The following ARF3 variants were observed in gnomAD, a reference collection of about 807,000 sequenced individuals.
The protein encoded by ARF3 is ARF GTPase 3.
A neutral mutation model predicts 19.3 loss-of-function variants in ARF3; 5 were observed. The observed-to-expected ratio is 0.26, with a 90% CI of 0.14 to 0.54. The LOEUF (loss-of-function observed/expected upper bound fraction) is 0.54. Among genes scored for constraint, ARF3 ranks in the 20% least tolerant of loss-of-function variants. The pLI is 0.95. For synonymous variants in ARF3, 71 were observed against 89.2 expected, an observed-to-expected ratio of 0.80 and a Z score of 1.15; for missense variants, 77 against 234.2, an observed-to-expected ratio of 0.33 and a Z score of 4.38.
chr12:48,938,242 C>T lies in ARF3; in HGVS notation c.*705G>A. ...AAAATGGTGGTGAAGAATCCATCAT[C>T]TGTCCTATCATCCAGAAAAACCTAC... is the stretch of plus-strand genomic sequence containing the variant. On this transcript the variant is annotated 3_prime_UTR_variant, in exon 5 of 5. Transcript: ENST00000256682. 1 of 368,566 alleles carries T rather than the reference C, an allele frequency of 2.7e-6. No homozygotes were observed. Among genetic ancestry groups the T allele is most frequent in the Non-Finnish European group, 5.5e-6 (1 of 182,816 alleles). The allele number at this position is 368,566 out of a possible 1,614,324, so 22.8% of individuals were successfully genotyped here.
intron 2 of ARF3, 29 bp downstream of exon 2, chr12:48,940,919 G>C (rs1218943585): frequency 6.5e-7 from 1 of 1,534,742 alleles, no homozygotes; most frequent in Non-Finnish European, 8.8e-7. Context: ...CTGCCGGCGT[G>C]AAAGCCCACA....
rs758303037 is a variant in ARF3, at chr12:48,939,369, A to C, written c.385-261T>G. On this transcript the variant is annotated intron_variant, in intron 4 of 4. Transcript: ENST00000256682. This position sits in a 1 kb window ranked among gnomAD's most constrained non-coding sequence, Gnocchi z 4.8. ...CAAGAGACGTGATTCAGACTGACCA[A>C]AGAATCAGGTCTGTCTGACAGCAGG... Among the ~76,000 whole-genome samples, 2 of 152,190 alleles carry C rather than the reference A, an allele frequency of 1.3e-5. No individual in the cohort carries two copies. The highest frequency in any genetic ancestry group is 2.9e-5 in the Non-Finnish European group (2 of 68,022).
At chr12:48,950,257 G>A (rs1176018059) in intron 1 of ARF3, among the ~76,000 whole-genome samples, 2 of 151,652 alleles carry the variant, frequency 1.3e-5, no homozygotes, top group African/African-American at 2.4e-5. Flanking sequence ...GTGCAGTGGC[G>A]TGATAGTGGC....
At chr12:48,944,222 A>C (rs1023799701) in intron 1 of ARF3, among the ~76,000 whole-genome samples, 9 of 152,228 alleles carry the variant, frequency 5.9e-5, no homozygotes, top group Non-Finnish European at 1.5e-5. Flanking sequence ...TTATGACTGA[A>C]ACTATTGCTG....
intron 1 of ARF3, among the ~76,000 whole-genome samples, chr12:48,951,157 G>T (rs1330508376): frequency 6.6e-6 from 1 of 152,188 alleles, no homozygotes; most frequent in Non-Finnish European, 1.5e-5. Context: ...AGACACGTGT[G>T]TTTTCTATTT....
At chr12:48,957,175 C>T (rs1450876524) in intron 1 of ARF3, 135 bp downstream of exon 1, 2 of 151,626 alleles carry the variant, frequency 1.3e-5, no homozygotes, top group Non-Finnish European at 2.9e-5. Flanking sequence ...TCTCTGAGCT[C>T]TCGGGTGGGA....
intron 1 of ARF3, 184 bp downstream of exon 1, chr12:48,957,126 C>T (rs1940585136): frequency 6.6e-6 from 1 of 151,882 alleles, no homozygotes; most frequent in African/African-American, 2.4e-5. Context: ...CTGCGTCCTT[C>T]AAATGCGGGG....
rs1044611329 is a variant in ARF3 at position 48,938,441 on chromosome 12, C to G, written c.*506G>C. 84 of 453,458 alleles carry G rather than the reference C, an allele frequency of 1.9e-4. No homozygotes were observed. Among genetic ancestry groups the G allele is most frequent in the Admixed American group, 8.7e-4 (37 of 42,470 alleles). 28.1% of individuals were successfully genotyped at this position (453,458 alleles called of 1,614,324 possible). A position where few individuals can be genotyped will look rare whatever the true frequency, so the allele number is the denominator to read the frequency against. On this transcript the variant is annotated 3_prime_UTR_variant, in exon 5 of 5. Transcript: ENST00000256682. ...TCCACCCCCTCCCCGCTCCCCCCGG[C>G]CCCCACAAATATATCTCTCTATACA...
chr12:48,938,646 C>T lies in ARF3; in HGVS notation c.*301G>A, dbSNP rs1202035740. On this transcript the variant is annotated 3_prime_UTR_variant, in exon 5 of 5. Coordinates refer to ENST00000256682, the MANE Select transcript of ARF3 (RefSeq NM_001659.3). ...TGCCAAACAAAGAGAATACCCCACT[C>T]GACCTCCCGAAACCCAGAGGGTGAG... 1.1e-5 allele frequency: 5 copies of T among 435,206 alleles called. No individual in the cohort carries two copies. The highest frequency in any genetic ancestry group is 4.0e-5 in the African/African-American group (2 of 49,550). The allele number at this position is 435,206 out of a possible 1,614,324, so 27.0% of individuals were successfully genotyped here. A position where few individuals can be genotyped will look rare whatever the true frequency, so the allele number is the denominator to read the frequency against.
At chr12:48,947,124 G>A (rs764910356) in intron 1 of ARF3, among the ~76,000 whole-genome samples, 31 of 152,114 alleles carry the variant, frequency 2.0e-4, no homozygotes, top group Non-Finnish European at 4.0e-4. Flanking sequence ...GAGTACGCCC[G>A]TACTGAGTTT....
At chr12:48,952,004 A>G (rs1185448649) in intron 1 of ARF3, among the ~76,000 whole-genome samples, 1 of 152,228 alleles carries the variant, frequency 6.6e-6, no homozygotes, top group East Asian at 1.9e-4. Flanking sequence ...GACATCATAG[A>G]CACCAATGGG....
At chr12:48,949,382 C>T (rs1357278052) in intron 1 of ARF3, among the ~76,000 whole-genome samples, 2 of 152,144 alleles carry the variant, frequency 1.3e-5, no homozygotes, top group Admixed American at 1.3e-4. Context: ...CCCGCCACTA[C>T]ACCCAGCTAA....
intron 1 of ARF3, chr12:48,955,745 G>A (rs886713043): frequency 1.3e-5 from 2 of 152,202 alleles, no homozygotes; most frequent in African/African-American, 4.8e-5. Context: ...TCCTGCAGTC[G>A]AAAAGCGTCT....
intron 1 of ARF3, among the ~76,000 whole-genome samples, chr12:48,952,265 A>G (rs1402787076): frequency 6.6e-6 from 1 of 152,192 alleles, no homozygotes; most frequent in Non-Finnish European, 1.5e-5. Context: ...GGAGACCCAA[A>G]ACGCCTGGGA....
In ARF3 at chr12:48,939,138, A is replaced by C. The variant is rs748511118; in HGVS notation, c.385-30T>G. On this transcript the variant is annotated intron_variant, in intron 4 of 4. Transcript: ENST00000256682. The surrounding 1 kb of genome is among the most constrained non-coding windows in gnomAD (Gnocchi z 4.8). Reference sequence around the variant, plus strand: ...AGCACGTGGGAGACACATAAAAAGAAGCCTCAGGATTTTTTAAAGGCTTCT... The same window carrying C: ...AGCACGTGGGAGACACATAAAAAGACGCCTCAGGATTTTTTAAAGGCTTCT... 2 of 1,599,962 alleles carry C rather than the reference A, an allele frequency of 1.3e-6. No individual in the cohort carries two copies. Among genetic ancestry groups the C allele is most frequent in the Non-Finnish European group, 1.7e-6 (2 of 1,170,814 alleles).
In ARF3 at chr12:48,939,160, T is replaced by G; in HGVS notation, c.385-52A>C. ...AGAAGCCTCAGGATTTTTTAAAGGC[T>G]TCTAGAACACCCATCTACCAAAGAA... is the stretch of plus-strand genomic sequence containing the variant. On this transcript the variant is annotated intron_variant, in intron 4 of 4. Coordinates refer to ENST00000256682, the MANE Select transcript of ARF3 (RefSeq NM_001659.3). The surrounding 1 kb of genome is among the most constrained non-coding windows in gnomAD (Gnocchi z 4.8). 1.3e-6 allele frequency: 2 copies of G among 1,575,424 alleles called. No homozygotes were observed. The highest frequency in any genetic ancestry group is 1.7e-6 in the Non-Finnish European group (2 of 1,156,290).
At chr12:48,944,925 G>A (rs979309176) in intron 1 of ARF3, among the ~76,000 whole-genome samples, 9 of 151,966 alleles carry the variant, frequency 5.9e-5, no homozygotes, top group East Asian at 3.9e-4. Context: ...TGAGGTGGGC[G>A]TATCACCTGA....
rs1232343311 is a variant in ARF3, at chr12:48,953,530, TAAAG to T, written c.-94+3776_-94+3779del. 3.3e-5 allele frequency among the ~76,000 whole-genome samples: 5 copies of T among 152,230 alleles called. No homozygotes were observed. In the East Asian group the frequency reaches 9.7e-4, roughly 29 times the overall value. ...CTTGACACTCCTGTGCATAAGCTAA[TAAAG>T]GAAGGATTATGCCAGGCTTTCAGCA... On this transcript the variant is annotated intron_variant, in intron 1 of 4. Coordinates refer to ENST00000256682, the MANE Select transcript of ARF3 (RefSeq NM_001659.3).
intron 1 of ARF3, among the ~76,000 whole-genome samples, chr12:48,945,535 C>T (rs1251945794): frequency 6.6e-6 from 1 of 151,484 alleles, no homozygotes; most frequent in Non-Finnish European, 1.5e-5. Context: ...CACTCCAGCC[C>T]GGGCAGACAA....
Sources: gnomAD v4.1 joint callset for allele counts (sites outside exome capture counted in the v4.1 genomes callset) on GRCh38, gnomAD v4.1.1 for gene constraint, Gnocchi (gnomAD v3.1) non-coding constraint, MANE v1.5 for transcripts, NCBI Gene and HGNC (gene_info 2026-07-23, HGNC 2026-07-21) for gene names.